The following PRKAR1B variants were observed in gnomAD, a reference collection of about 807,000 sequenced individuals.
The protein encoded by PRKAR1B is cAMP-dependent protein kinase type I-beta regulatory subunit.
In PRKAR1B, 22 loss-of-function variants were observed where a neutral mutation model predicts 46.5. That is an observed-to-expected ratio of 0.47 (90% CI 0.34 to 0.68). The LOEUF is 0.68. Ranked by LOEUF, PRKAR1B falls within the 30% of genes least tolerant of loss-of-function variation. The probability of loss-of-function intolerance (pLI) is 0.01; values close to 1 mark genes in which losing one functional copy is unlikely to be tolerated. For missense variants in PRKAR1B, 445 were observed against 535.6 expected, an observed-to-expected ratio of 0.83 and a Z score of 1.67; for synonymous variants, 259 against 217.7, an observed-to-expected ratio of 1.19 and a Z score of -1.67.
At chr7:686,411 A>T (rs1304905818) in intron 2 of PRKAR1B, among the ~76,000 whole-genome samples, 1 of 152,216 alleles carries the variant, frequency 6.6e-6, no homozygotes, top group Non-Finnish European at 1.5e-5. Context: ...AAAAGATTTT[A>T]AAATGGTGAT....
intron 9 of PRKAR1B, among the ~76,000 whole-genome samples, chr7:570,509 A>C (rs1779438461): frequency 6.6e-6 from 1 of 151,778 alleles, no homozygotes; most frequent in Admixed American, 6.6e-5. Flanking sequence ...TCCTACTTCA[A>C]TACCCGTCCC....
intron 4 of PRKAR1B, among the ~76,000 whole-genome samples, chr7:662,948 G>GAT (rs1314182794): frequency 1.3e-5 from 2 of 152,166 alleles, no homozygotes; most frequent in African/African-American, 4.8e-5. Flanking sequence ...AACATTTTCT[G>GAT]ATGCTTTCAA....
At chr7:703,204 T>C (rs114173403) in intron 2 of PRKAR1B, among the ~76,000 whole-genome samples, 225 of 152,250 alleles carry the variant, frequency 1.5e-3, no homozygotes, top group African/African-American at 5.2e-3. Context: ...CATGAAAACA[T>C]AGCAATCCCA....
chr7:681,162 C>T (rs573817031), intron 2 of PRKAR1B, among the ~76,000 whole-genome samples: 99 of 152,126 alleles, frequency 6.5e-4, no homozygotes, highest in Middle Eastern at 6.8e-3. Context: ...TGTGAAGAAG[C>T]GGCTCTGCTT....
chr7:551,018 TGCCCAGGTGC>T (rs1386852611), intron 10 of PRKAR1B, among the ~76,000 whole-genome samples: 3 of 150,784 alleles, frequency 2.0e-5, no homozygotes, highest in Non-Finnish European at 4.4e-5. Context: ...GCTGCAGGAA[TGCCCAGGTGC>T]ACCCAGGTAG....
chr7:684,276 C>T (rs146875202), intron 2 of PRKAR1B, among the ~76,000 whole-genome samples: 8 of 152,338 alleles, frequency 5.3e-5, no homozygotes, highest in Non-Finnish European at 5.9e-5. Flanking sequence ...GCCGGGAAGA[C>T]GCTGAGTACA....
In PRKAR1B at chr7:613,240, TG is replaced by T. The variant is rs1206931662; in HGVS notation, c.441-5789del. ...TTCATGTGTTTTTTTCTTTTTCTTT[TG>T]TTTTTTTTTTTTTGATTACTTGTAC... On this transcript the variant is annotated intron_variant, in intron 4 of 10. Transcript: ENST00000537384. 5.6e-5 allele frequency among the ~76,000 whole-genome samples: 8 copies of T among 143,952 alleles called. No individual in the cohort carries two copies. The East Asian group carries it at 5.8e-4, about 10-fold the overall frequency. The allele number at this position is 143,952 out of a possible 152,430, so 94.4% of individuals were successfully genotyped here.
chr7:684,932 T>C (rs1435562933), intron 2 of PRKAR1B, among the ~76,000 whole-genome samples: 1 of 151,450 alleles, frequency 6.6e-6, no homozygotes, highest in African/African-American at 2.4e-5. Context: ...AGATACAGCA[T>C]TTCATTTTAA....
At chr7:591,473 G>A (rs985256874) in intron 7 of PRKAR1B, among the ~76,000 whole-genome samples, 5 of 152,214 alleles carry the variant, frequency 3.3e-5, no homozygotes, top group African/African-American at 9.6e-5. Flanking sequence ...GAGTCGGCTC[G>A]GGGGGCACGG....
chr7:589,581 C>T (rs1215008269), intron 7 of PRKAR1B, among the ~76,000 whole-genome samples: 1 of 152,160 alleles, frequency 6.6e-6, no homozygotes, highest in South Asian at 2.1e-4. Context: ...GGCTCAGGGT[C>T]GGTGTGGCCT....
chr7:624,504 A>T (rs1464695833), intron 4 of PRKAR1B, among the ~76,000 whole-genome samples: 1 of 152,216 alleles, frequency 6.6e-6, no homozygotes, highest in Non-Finnish European at 1.5e-5. Flanking sequence ...TATAGAAGCA[A>T]TTTTTAAAAT....
intron 2 of PRKAR1B, among the ~76,000 whole-genome samples, chr7:691,306 C>T (rs1027426963): frequency 1.3e-5 from 2 of 152,252 alleles, no homozygotes; most frequent in Non-Finnish European, 2.9e-5. Context: ...TGAAATGAGC[C>T]TGCAGGTGAT....
chr7:684,187 T>G (rs897536807), intron 2 of PRKAR1B, among the ~76,000 whole-genome samples: 2 of 152,060 alleles, frequency 1.3e-5, no homozygotes, highest in Non-Finnish European at 2.9e-5. Context: ...AATGCCCACC[T>G]CCACGTGCAC....
rs529089305 is a variant in PRKAR1B at position 667,535 on chromosome 7, C to T, written c.440+9694G>A. Among the ~76,000 whole-genome samples the T allele has an allele frequency of 6.6e-6, 1 of 152,298 alleles. No individual in the cohort carries two copies. Among genetic ancestry groups the T allele is most frequent in the East Asian group, 1.9e-4 (1 of 5,190 alleles). The stretch of plus-strand genomic sequence containing the variant: ...ATGGGAACTCCTGGTCCTGTCTCAC[C>T]CCTGAGCTGTCTCCCTGCAGCTGCA... On this transcript the variant is annotated intron_variant, in intron 4 of 10. Coordinates refer to ENST00000537384, the MANE Select transcript of PRKAR1B (RefSeq NM_001164760.2). The surrounding 1 kb of genome is among the most constrained non-coding windows in gnomAD (Gnocchi z 4.3).
At chr7:659,933 G>T (rs1439268901) in intron 4 of PRKAR1B, among the ~76,000 whole-genome samples, 1 of 152,042 alleles carries the variant, frequency 6.6e-6, no homozygotes, top group African/African-American at 2.4e-5. Context: ...GGGGGAGGAG[G>T]AGCTGCCCCC....
intron 4 of PRKAR1B, among the ~76,000 whole-genome samples, chr7:651,065 T>G (rs373881347): frequency 1.2e-4 from 18 of 152,232 alleles, no homozygotes; most frequent in African/African-American, 4.3e-4. Context: ...TTCCCCGGGT[T>G]CCTGCTTTGG....
At chr7:613,203 G>A (rs1280701566) in intron 4 of PRKAR1B, among the ~76,000 whole-genome samples, 6 of 149,476 alleles carry the variant, frequency 4.0e-5, no homozygotes, top group South Asian at 4.2e-4. Context: ...AGGGGGTGGG[G>A]TTGGGGTCAT....
intron 4 of PRKAR1B, among the ~76,000 whole-genome samples, chr7:631,835 T>C (rs1783762989): frequency 6.6e-6 from 1 of 151,454 alleles, no homozygotes; most frequent in African/African-American, 2.4e-5. Context: ...CATGCACCTG[T>C]AGTCCCAGCT....
At chr7:582,662 C>T (rs530579438) in intron 8 of PRKAR1B, among the ~76,000 whole-genome samples, 19 of 152,208 alleles carry the variant, frequency 1.2e-4, no homozygotes, top group South Asian at 6.2e-4. Flanking sequence ...AGCCCTCGCC[C>T]GGAGCAGGGA....
Sources: gnomAD v4.1 joint callset for allele counts (sites outside exome capture counted in the v4.1 genomes callset) on GRCh38, gnomAD v4.1.1 for gene constraint, Gnocchi (gnomAD v3.1) non-coding constraint, MANE v1.5 for transcripts, NCBI Gene and HGNC (gene_info 2026-07-23, HGNC 2026-07-21) for gene names.